The following LAMP3 variants were observed in gnomAD, a reference collection of about 807,000 sequenced individuals.
LAMP3 encodes the protein lysosome-associated membrane glycoprotein 3.
LAMP3 carries 26 observed loss-of-function variants against 34.8 expected under a neutral mutation model. The ratio of observed to expected loss-of-function variants is 0.75; its 90% CI spans 0.55 to 1.04. The LOEUF (loss-of-function observed/expected upper bound fraction) is 1.04. LAMP3 is among the 50% of genes least tolerant of loss of function. The pLI is 0.00. For synonymous variants in LAMP3, 180 were observed against 201.9 expected (o/e 0.89, Z 0.92); for missense variants, 495 against 524.0 (o/e 0.94, Z 0.54).
intron 3 of LAMP3, among the ~76,000 whole-genome samples, chr3:183,142,555 C>T (rs1026290057): frequency 2.0e-5 from 3 of 151,964 alleles, no homozygotes; most frequent in African/African-American, 7.3e-5. Flanking sequence ...GACCATTTTA[C>T]AGCTGAGAAC....
intron 1 of LAMP3, among the ~76,000 whole-genome samples, chr3:183,162,187 T>G (rs2108617540): frequency 7.0e-6 from 1 of 143,300 alleles, no homozygotes; most frequent in South Asian, 2.3e-4. Context: ...CAATGATCAT[T>G]TAAAAAAAAA....
chr3:183,162,420 A>T (rs914304384), intron 1 of LAMP3, among the ~76,000 whole-genome samples, 187 bp downstream of exon 1: 5 of 152,138 alleles, frequency 3.3e-5, no homozygotes, highest in African/African-American at 1.2e-4. Flanking sequence ...GGACAGTGTC[A>T]CTGTCTTTGG....
chr3:183,163,103 A>G (rs1370396374), upstream of LAMP3, among the ~76,000 whole-genome samples: 11 of 149,486 alleles, frequency 7.4e-5, no homozygotes, highest in Non-Finnish European at 1.2e-4. Flanking sequence ...GATTACAGGC[A>G]TGCACCACCA....
intron 3 of LAMP3, among the ~76,000 whole-genome samples, chr3:183,151,408 G>A (rs1247225276): frequency 4.6e-5 from 7 of 151,328 alleles, no homozygotes; most frequent in Admixed American, 1.3e-4. Context: ...GCCACTTCCC[G>A]TGTATGGGGC....
intron 5 of LAMP3, chr3:183,132,339 G>T: frequency 3.2e-6 from 3 of 939,346 alleles, no homozygotes; most frequent in Non-Finnish European, 3.8e-6. Flanking sequence ...ACAAAATTTG[G>T]GTAAAATCCA....
intron 1 of LAMP3, chr3:183,158,187 A>C (rs1223570345): frequency 6.6e-6 from 1 of 152,212 alleles, no homozygotes; most frequent in Non-Finnish European, 1.5e-5. Context: ...GTATCTCTGC[A>C]TTGTAAAGTA....
At chr3:183,153,119 G>A (rs559568705) in intron 2 of LAMP3, among the ~76,000 whole-genome samples, 15 of 143,024 alleles carry the variant, frequency 1.0e-4, no homozygotes, top group Non-Finnish European at 1.8e-4. Context: ...AGGTTGCAGT[G>A]AGCCAAGACT....
chr3:183,128,129 C>G (rs1252837788), intron 5 of LAMP3, among the ~76,000 whole-genome samples: 2 of 130,906 alleles, frequency 1.5e-5, no homozygotes, highest in East Asian at 2.1e-4. Flanking sequence ...GCGTGGGAGA[C>G]AGAGCGACAC....
chr3:183,160,144 C>T (rs916709196), intron 1 of LAMP3, among the ~76,000 whole-genome samples: 4 of 152,278 alleles, frequency 2.6e-5, no homozygotes, highest in East Asian at 3.9e-4. Flanking sequence ...TTGTGTCTTA[C>T]GTGTAACTGA....
chr3:183,137,856 G>A (rs1720148216), intron 4 of LAMP3, among the ~76,000 whole-genome samples: 1 of 144,456 alleles, frequency 6.9e-6, no homozygotes, highest in Admixed American at 7.0e-5. Flanking sequence ...GTCTCACTCT[G>A]TCACCCAGGC....
chr3:183,139,288 C>T (rs1173761272), intron 4 of LAMP3, among the ~76,000 whole-genome samples: 1 of 151,716 alleles, frequency 6.6e-6, no homozygotes, highest in Non-Finnish European at 1.5e-5. Flanking sequence ...TACTGAGAAG[C>T]CTGATGCAGG....
chr3:183,126,128 G>T (rs1464536748), intron 5 of LAMP3, among the ~76,000 whole-genome samples: 1 of 151,856 alleles, frequency 6.6e-6, no homozygotes, highest in East Asian at 1.9e-4. Context: ...ACTATGCAAA[G>T]GTATATTACA....
At chr3:183,139,368 C>A (rs965371192) in intron 4 of LAMP3, among the ~76,000 whole-genome samples, 4 of 144,974 alleles carry the variant, frequency 2.8e-5, no homozygotes, top group African/African-American at 1.0e-4. Flanking sequence ...CCAGCCTGGG[C>A]GACAGAGCGA....
intron 1 of LAMP3, among the ~76,000 whole-genome samples, chr3:183,160,638 G>A (rs1449169226): frequency 3.3e-5 from 5 of 152,258 alleles, no homozygotes; most frequent in Non-Finnish European, 7.4e-5. Context: ...GTAAAATAGG[G>A]ATAAGAATAG....
rs1489240926 is a variant in LAMP3 at position 183,135,906 on chromosome 3, G to A, written c.947-19C>T. 1 of 1,598,462 alleles carries A rather than the reference G, an allele frequency of 6.3e-7. No homozygotes were observed. Among genetic ancestry groups the A allele is most frequent in the South Asian group, 1.1e-5 (1 of 90,766 alleles). Reference sequence around the variant, plus strand: ...ATTGTCTCTGAAAAGGTGACAGATAGATGCATAAGAGTCCTGAGATGTAAC... The same window carrying A: ...ATTGTCTCTGAAAAGGTGACAGATAAATGCATAAGAGTCCTGAGATGTAAC... On this transcript the variant is annotated intron_variant, in intron 4 of 5. Coordinates refer to ENST00000265598, the MANE Select transcript of LAMP3 (RefSeq NM_014398.4).
intron 5 of LAMP3, among the ~76,000 whole-genome samples, chr3:183,129,717 T>C (rs1719862104): frequency 6.6e-6 from 1 of 152,190 alleles, no homozygotes; most frequent in South Asian, 2.1e-4. Context: ...TTCTGTTCCT[T>C]GAATTATGTT....
intron 1 of LAMP3, chr3:183,162,039 G>A (rs1342430677): frequency 1.1e-6 from 1 of 940,748 alleles, no homozygotes; most frequent in South Asian, 4.9e-5. Flanking sequence ...CGAGTAACCA[G>A]GAAACTTCAT....
At chr3:183,132,452 A>G (rs1719953405) in intron 5 of LAMP3, 1 of 982,694 alleles carries the variant, frequency 1.0e-6, no homozygotes, top group African/African-American at 1.8e-5. Context: ...GTATAAGAAA[A>G]ATCAGTCAAT....
chr3:183,153,705 G>C lies in LAMP3; in HGVS notation c.736C>G (p.Leu246Val). ...LCIKAEMGIQ[L>V]IVQDKESVFS... ...ACCGACTCCTTGTCTTGAACAATCAGCTGTATCCCCATCTCTGCTTTTATA... is the reference window on the plus strand; with the variant it reads ...ACCGACTCCTTGTCTTGAACAATCACCTGTATCCCCATCTCTGCTTTTATA... The change falls in exon 2 of 6, where the codon CTG (leucine) becomes GTG (valine). Residue 246 changes from leucine (L) to valine (V), a missense_variant. By Grantham distance (32) the Leu-to-Val change is conservative. Transcript: ENST00000265598. The C allele has an allele frequency of 6.6e-7, 1 of 1,523,684 alleles. No homozygotes were observed. Among genetic ancestry groups the C allele is most frequent in the South Asian group, 1.3e-5 (1 of 75,580 alleles). 94.4% of individuals were successfully genotyped at this position (1,523,684 alleles called of 1,614,324 possible). A position where few individuals can be genotyped will look rare whatever the true frequency, so the allele number is the denominator to read the frequency against.
Sources: allele counts gnomAD v4.1 joint callset (sites outside exome capture counted in the v4.1 genomes callset), GRCh38; gene constraint gnomAD v4.1.1; transcripts MANE v1.5; gene names NCBI Gene and HGNC (gene_info 2026-07-23, HGNC 2026-07-21).